Variants in LRRC4C observed in about 807,000 individuals in gnomAD.
LRRC4C encodes leucine-rich repeat-containing protein 4C.
In LRRC4C, 5 loss-of-function variants were observed where a neutral mutation model predicts 33.6. The ratio of observed to expected loss-of-function variants is 0.15; its 90% CI spans 0.08 to 0.31. The LOEUF (loss-of-function observed/expected upper bound fraction) is 0.31, where lower values mean the gene tolerates loss of function less well. LRRC4C is among the 10% of genes least tolerant of loss of function. The probability of loss-of-function intolerance (pLI) is 1.00; values close to 1 mark genes in which losing one functional copy is unlikely to be tolerated. For missense variants in LRRC4C, 560 were observed against 796.7 expected (o/e 0.70, Z 3.58); for synonymous variants, 329 against 302.0 (o/e 1.09, Z -0.93).
chr11:40,855,020 G>T (rs1953712703), intron 2 of LRRC4C, among the ~76,000 whole-genome samples: 1 of 152,036 alleles, frequency 6.6e-6, no homozygotes, highest in South Asian at 2.1e-4. Flanking sequence ...ATCACAATTT[G>T]GGAGTTAATT....
intron 1 of LRRC4C, among the ~76,000 whole-genome samples, chr11:40,952,738 T>C (rs1263775701): frequency 6.6e-6 from 1 of 151,796 alleles, no homozygotes; most frequent in Non-Finnish European, 1.5e-5. Context: ...TTCACACAGA[T>C]CTTGATCACA....
chr11:41,223,810 T>C (rs1947409475), intron 1 of LRRC4C, among the ~76,000 whole-genome samples: 1 of 152,192 alleles, frequency 6.6e-6, no homozygotes, highest in African/African-American at 2.4e-5. Flanking sequence ...CCCCAAACTA[T>C]TGGATGTCCA....
intron 3 of LRRC4C, among the ~76,000 whole-genome samples, chr11:40,468,092 C>T (rs570164804): frequency 6.6e-6 from 1 of 152,146 alleles, no homozygotes; most frequent in South Asian, 2.1e-4. Context: ...TGACTTTGCT[C>T]CTCCATTTTT....
intron 2 of LRRC4C, among the ~76,000 whole-genome samples, chr11:40,722,907 C>A (rs1053639008): frequency 1.6e-4 from 25 of 152,156 alleles, no homozygotes; most frequent in African/African-American, 5.8e-4. Flanking sequence ...AGAAAGAACC[C>A]AAACTGAACT....
intron 1 of LRRC4C, among the ~76,000 whole-genome samples, chr11:41,427,781 C>T (rs960417451): frequency 2.6e-5 from 4 of 152,064 alleles, no homozygotes; most frequent in African/African-American, 2.4e-5. Context: ...ATTTAAATGG[C>T]CTGTTCCTGC....
Position 40,635,729 on chromosome 11 carries a change from C to T in LRRC4C, c.-270+12413G>A, listed in dbSNP as rs564748433. On this transcript the variant is annotated intron_variant, in intron 3 of 6. Coordinates refer to ENST00000528697, the MANE Select transcript of LRRC4C (RefSeq NM_001258419.2). ...TCGGCTCACTGCAAGCTCCGCCTCC[C>T]GGGTTCAGGCCATTCTCCTGCCTCA... Among the ~76,000 whole-genome samples the T allele has an allele frequency of 4.0e-5, 6 of 149,590 alleles. No individual in the cohort carries two copies. In the South Asian group the frequency reaches 1.3e-3, roughly 32 times the overall value.
chr11:40,160,173 C>T (rs532296880), intron 5 of LRRC4C, among the ~76,000 whole-genome samples: 17 of 150,116 alleles, frequency 1.1e-4, no homozygotes, highest in African/African-American at 2.7e-4. Context: ...AGAAGAGTTG[C>T]GAAGATTTTT....
chr11:40,168,925 T>C (rs1303858196), intron 5 of LRRC4C, among the ~76,000 whole-genome samples: 5 of 152,228 alleles, frequency 3.3e-5, no homozygotes, highest in African/African-American at 9.6e-5. Flanking sequence ...ATCGCCTTCA[T>C]GTTTCCTCTT....
intron 1 of LRRC4C, among the ~76,000 whole-genome samples, chr11:41,194,242 C>T (rs1565468802): frequency 6.6e-6 from 1 of 151,934 alleles, no homozygotes; most frequent in Non-Finnish European, 1.5e-5. Flanking sequence ...CAACAGTAGG[C>T]TATTAGTATT....
At chr11:40,606,868 C>T (rs1040915185) in intron 3 of LRRC4C, among the ~76,000 whole-genome samples, 1 of 151,780 alleles carries the variant, frequency 6.6e-6, no homozygotes, top group Non-Finnish European at 1.5e-5. Flanking sequence ...CAATAGATTC[C>T]AACTAACATT....
chr11:40,403,053 G>T (rs1213879586), intron 3 of LRRC4C, among the ~76,000 whole-genome samples: 2 of 152,058 alleles, frequency 1.3e-5, no homozygotes, highest in Non-Finnish European at 2.9e-5. Context: ...TTGGGTATGA[G>T]TTATAATTTG....
At chr11:40,852,181 G>C (rs1394399120) in intron 2 of LRRC4C, among the ~76,000 whole-genome samples, 1 of 150,490 alleles carries the variant, frequency 6.6e-6, no homozygotes, top group African/African-American at 2.4e-5. Context: ...CTTAGGAATT[G>C]TCTCATTTCT....
chr11:41,077,167 T>C (rs905190306), intron 1 of LRRC4C, among the ~76,000 whole-genome samples: 15 of 152,314 alleles, frequency 9.8e-5, no homozygotes, highest in African/African-American at 3.1e-4. Flanking sequence ...TGTGGCTTTC[T>C]TGGTTGCACA....
chr11:40,516,104 A>G (rs76351404), intron 3 of LRRC4C, among the ~76,000 whole-genome samples: 2,205 of 152,176 alleles, frequency 0.014, 55 homozygotes, highest in African/African-American at 0.05. Flanking sequence ...TATTTGAGAA[A>G]GCAAATTATT....
At chr11:40,224,073 G>A (rs1292277557) in intron 5 of LRRC4C, among the ~76,000 whole-genome samples, 1 of 152,190 alleles carries the variant, frequency 6.6e-6, no homozygotes, top group African/African-American at 2.4e-5. Flanking sequence ...TTTGCACAGA[G>A]AGATCATTTT....
At chr11:40,347,634 G>A (rs1336976541) in intron 3 of LRRC4C, among the ~76,000 whole-genome samples, 1 of 152,164 alleles carries the variant, frequency 6.6e-6, no homozygotes, top group Non-Finnish European at 1.5e-5. Context: ...TTGAGACGGA[G>A]TTTCGCTCTT....
chr11:40,449,390 C>T (rs1271046720), intron 3 of LRRC4C, among the ~76,000 whole-genome samples: 1 of 151,412 alleles, frequency 6.6e-6, no homozygotes, highest in African/African-American at 2.4e-5. Context: ...GACTCCAGAT[C>T]CCACGGATAC....
intron 1 of LRRC4C, among the ~76,000 whole-genome samples, chr11:41,125,459 A>G (rs1016274626): frequency 2.0e-5 from 3 of 152,196 alleles, no homozygotes; most frequent in Admixed American, 1.3e-4. Context: ...ATTATTATGT[A>G]TCATTAACAA....
chr11:40,826,441 A>C (rs1387439718), intron 2 of LRRC4C, among the ~76,000 whole-genome samples: 1 of 151,984 alleles, frequency 6.6e-6, no homozygotes, highest in East Asian at 1.9e-4. Context: ...GCAGAAGCAC[A>C]AAGTCACAGT....
Sources: allele counts gnomAD v4.1 joint callset (sites outside exome capture counted in the v4.1 genomes callset), GRCh38; gene constraint gnomAD v4.1.1; transcripts MANE v1.5; gene names NCBI Gene and HGNC (gene_info 2026-07-23, HGNC 2026-07-21).